The following EHMT1 variants were observed in gnomAD, a reference collection of about 807,000 sequenced individuals.
EHMT1 encodes the protein euchromatic histone lysine methyltransferase 1, also known as histone-lysine N-methyltransferase EHMT1.
A neutral mutation model predicts 147.2 loss-of-function variants in EHMT1; 15 were observed. The ratio of observed to expected loss-of-function variants is 0.10; its 90% CI spans 0.07 to 0.16. The LOEUF is 0.16. Ranked by LOEUF, EHMT1 falls within the 10% of genes least tolerant of loss-of-function variation. EHMT1 has a pLI of 1.00. For synonymous variants in EHMT1, 795 were observed against 709.6 expected, an observed-to-expected ratio of 1.12 and a Z score of -1.91; for missense variants, 1,587 against 1,772.4, an observed-to-expected ratio of 0.90 and a Z score of 1.88.
chr9:137,663,174 T>A (rs1031478114), intron 1 of EHMT1, among the ~76,000 whole-genome samples: 3 of 152,216 alleles, frequency 2.0e-5, no homozygotes, highest in Non-Finnish European at 4.4e-5. Context: ...TTCTTTGAAT[T>A]TATTTTGTTA....
In EHMT1 at chr9:137,776,557, T is replaced by A. The variant is rs1950975999; in HGVS notation, c.1792-61T>A. On this transcript the variant is annotated intron_variant, in intron 11 of 26. Coordinates refer to ENST00000460843, the MANE Select transcript of EHMT1 (RefSeq NM_024757.5). This position sits in a 1 kb window ranked among gnomAD's most constrained non-coding sequence, Gnocchi z 4.4. ...ATGCGGTGCCAGTTTAGTAGTACTT[T>A]ATTTTTCTAAATATTAACCCCAATT... 6.4e-7 allele frequency: 1 copy of A among 1,567,382 alleles called. No individual in the cohort carries two copies. The highest frequency in any genetic ancestry group is 1.4e-5 in the African/African-American group (1 of 73,494).
intron 4 of EHMT1, among the ~76,000 whole-genome samples, chr9:137,737,786 G>A (rs1030611759): frequency 3.9e-5 from 6 of 152,196 alleles, no homozygotes; most frequent in Non-Finnish European, 5.9e-5. Flanking sequence ...GAATAAAAAG[G>A]CACCTGTGGA....
At chr9:137,797,399 T>G (rs773241261) in intron 16 of EHMT1, among the ~76,000 whole-genome samples, 2 of 152,176 alleles carry the variant, frequency 1.3e-5, no homozygotes, top group Non-Finnish European at 2.9e-5. Context: ...TTGTGACAGC[T>G]GGCTTCCTTC....
intron 1 of EHMT1, among the ~76,000 whole-genome samples, chr9:137,677,601 A>G (rs902219035): frequency 1.4e-4 from 21 of 151,470 alleles, no homozygotes; most frequent in Admixed American, 1.4e-3. Flanking sequence ...AAGTTTTTCT[A>G]TTTTTAGTAG....
intron 15 of EHMT1, among the ~76,000 whole-genome samples, chr9:137,789,722 TTTTTG>T (rs772509272): frequency 1.3e-5 from 2 of 152,212 alleles, no homozygotes; most frequent in African/African-American, 2.4e-5. Context: ...GTTTTGTGGT[TTTTTG>T]TTTTGTTTTG....
chr9:137,727,176 C>T lies in EHMT1; in HGVS notation c.643-1173C>T, dbSNP rs550337440. On this transcript the variant is annotated intron_variant, in intron 3 of 26. Transcript: ENST00000460843. ...AAATTTTTCTTTGTAGAGACAGGGT[C>T]TTGCTATGTTGCCCAGACTCATCTT... 6.8e-4 allele frequency among the ~76,000 whole-genome samples: 104 copies of T among 152,216 alleles called. 1 individual carries two copies. Among genetic ancestry groups the T allele is most frequent in the African/African-American group, 2.4e-3 (100 of 41,518 alleles).
At chr9:137,801,643 C>T (rs952102086) in intron 18 of EHMT1, among the ~76,000 whole-genome samples, 9 of 152,278 alleles carry the variant, frequency 5.9e-5, no homozygotes, top group East Asian at 1.9e-4. Context: ...GGATTATAGG[C>T]GCCCACGACC....
In EHMT1 at chr9:137,831,406, G is replaced by T. The variant is rs1956177086; in HGVS notation, c.3541-2943G>T. ...TTTCTCCTTCTTTTTGGGGCATTCA[G>T]GTTGATTTCAGCCCTTGCTATTTAT... On this transcript the variant is annotated intron_variant, in intron 25 of 26. Transcript: ENST00000460843. Among the ~76,000 whole-genome samples the T allele has an allele frequency of 2.0e-5, 3 of 152,180 alleles. No homozygotes were observed. The South Asian group carries it at 6.2e-4, about 32-fold the overall frequency.
intron 1 of EHMT1, among the ~76,000 whole-genome samples, chr9:137,707,104 CG>C (rs1178776380): frequency 6.6e-6 from 1 of 152,364 alleles, no homozygotes; most frequent in East Asian, 1.9e-4. Flanking sequence ...AGATTACAGG[CG>C]TGAGCCAGCG....
chr9:137,770,659 C>T (rs1186121442), intron 10 of EHMT1, among the ~76,000 whole-genome samples: 3 of 152,184 alleles, frequency 2.0e-5, no homozygotes, highest in East Asian at 1.9e-4. Flanking sequence ...CCATAGGGTT[C>T]GCTTCCCTCC....
At chr9:137,664,621 C>T (rs541043925) in intron 1 of EHMT1, among the ~76,000 whole-genome samples, 65 of 151,722 alleles carry the variant, frequency 4.3e-4, no homozygotes, top group Non-Finnish European at 7.7e-4. Flanking sequence ...TGGAAAATGG[C>T]GTCTTTGTTG....
At chr9:137,785,272 G>C (rs2136957338) in intron 15 of EHMT1, 1 of 153,670 alleles carries the variant, frequency 6.5e-6, no homozygotes, top group East Asian at 1.9e-4. Context: ...TGAGTGTGCA[G>C]AGCCACGTGG....
chr9:137,717,221 T>C, intron 3 of EHMT1, 39 bp downstream of exon 3: 2 of 1,605,018 alleles, frequency 1.2e-6, no homozygotes, highest in Non-Finnish European at 1.7e-6. Context: ...CTTTTTCCCA[T>C]CTCTTTTGTT....
Position 137,786,084 on chromosome 9 carries a change from T to G in EHMT1, c.2382+3687T>G, listed in dbSNP as rs1050556179. The G allele has an allele frequency of 6.6e-6, 1 of 152,426 alleles. No individual in the cohort carries two copies. Among genetic ancestry groups the G allele is most frequent in the Admixed American group, 6.5e-5 (1 of 15,292 alleles). 9.4% of individuals were successfully genotyped at this position (152,426 alleles called of 1,614,324 possible). ...TCTGTGCTTGTCTGAAACGTCGTCT[T>G]TGGGGAGGCCGAGTGAGGGGAGTAC... On this transcript the variant is annotated intron_variant, in intron 15 of 26. Coordinates refer to ENST00000460843, the MANE Select transcript of EHMT1 (RefSeq NM_024757.5). The surrounding 1 kb of genome is among the most constrained non-coding windows in gnomAD (Gnocchi z 4.3).
intron 1 of EHMT1, among the ~76,000 whole-genome samples, chr9:137,631,125 C>T (rs145024858): frequency 1.1e-4 from 17 of 152,260 alleles, no homozygotes; most frequent in African/African-American, 4.1e-4. Flanking sequence ...TGGCTTATGC[C>T]TGTAATCCCA....
chr9:137,670,373 G>A (rs1275440557), intron 1 of EHMT1, among the ~76,000 whole-genome samples: 1 of 151,972 alleles, frequency 6.6e-6, no homozygotes, highest in Admixed American at 6.6e-5. Context: ...TCCTCCCTTG[G>A]CTAGTCCCCT....
At chr9:137,745,360 T>C (rs139992449) in intron 6 of EHMT1, 20 of 390,884 alleles carry the variant, frequency 5.1e-5, no homozygotes, top group African/African-American at 3.7e-4. Flanking sequence ...GCTCCCAGGT[T>C]GTAGCTTGAT....
chr9:137,738,425 G>A (rs1426675642), intron 4 of EHMT1, among the ~76,000 whole-genome samples: 1 of 152,126 alleles, frequency 6.6e-6, no homozygotes, highest in Non-Finnish European at 1.5e-5. Context: ...GTGAGGATGC[G>A]GAGAAATGGG....
At chr9:137,834,296 C>T (rs932923255) in intron 25 of EHMT1, 53 bp from the exon 26 acceptor site, 13 of 1,606,624 alleles carry the variant, frequency 8.1e-6, no homozygotes, top group South Asian at 5.5e-5. Flanking sequence ...CCGGCGAGGC[C>T]GGCGTGTCGG....
Sources: allele counts gnomAD v4.1 joint callset (sites outside exome capture counted in the v4.1 genomes callset), GRCh38; gene constraint gnomAD v4.1.1; non-coding constraint Gnocchi (gnomAD v3.1); transcripts MANE v1.5; gene names NCBI Gene and HGNC (gene_info 2026-07-23, HGNC 2026-07-21).